RAD51B: variants seen among roughly 807,000 people sequenced by gnomAD.
RAD51B encodes the protein DNA repair protein RAD51 homolog 2.
RAD51B carries 38 observed loss-of-function variants against 42.2 expected under a neutral mutation model. The observed-to-expected ratio is 0.90, with a 90% CI of 0.70 to 1.18. The LOEUF is 1.18. RAD51B is among the 50% of genes most tolerant of loss of function. The pLI, the probability that RAD51B is intolerant of heterozygous loss-of-function variation, is 0.00. For missense variants in RAD51B, 373 were observed against 400.7 expected (o/e 0.93, Z 0.59); for synonymous variants, 154 against 145.2 (o/e 1.06, Z -0.43).
chr14:68,033,764 C>G (rs2076081273), intron 7 of RAD51B, among the ~76,000 whole-genome samples: 1 of 152,170 alleles, frequency 6.6e-6, no homozygotes, highest in South Asian at 2.1e-4. Context: ...TAATGATCCT[C>G]TTTTTCCCAG....
chr14:68,169,670 G>A (rs1315682945), intron 7 of RAD51B, among the ~76,000 whole-genome samples: 1 of 152,140 alleles, frequency 6.6e-6, no homozygotes, highest in Non-Finnish European at 1.5e-5. Flanking sequence ...GTGGCCAGAT[G>A]GTCTGAGAGG....
chr14:67,832,997 A>G (rs1444221546), intron 3 of RAD51B, among the ~76,000 whole-genome samples: 11 of 152,256 alleles, frequency 7.2e-5, no homozygotes, highest in Admixed American at 7.2e-4. Context: ...TTCTAAATAC[A>G]TCAGAATGAT....
chr14:68,087,833 TTA>T lies in RAD51B; in HGVS notation c.756+200630_756+200631del, dbSNP rs1566633982. ...ACTTAAAAATAATATTTTTAAATATTTAATTATATAATTATTATATATATAAT... is the reference window on the plus strand; with the variant it reads ...ACTTAAAAATAATATTTTTAAATATTATTATATAATTATTATATATATAAT... On this transcript the variant is annotated intron_variant, in intron 7 of 10. Transcript: ENST00000471583. Among the ~76,000 whole-genome samples, 86 of 138,000 alleles carry T rather than the reference TTA, an allele frequency of 6.2e-4. 2 individuals carry two copies. Among genetic ancestry groups the T allele is most frequent in the African/African-American group, 1.1e-3 (40 of 36,642 alleles). 90.5% of individuals were successfully genotyped at this position (138,000 alleles called of 152,430 possible).
intron 7 of RAD51B, among the ~76,000 whole-genome samples, chr14:67,957,617 T>C (rs2074577711): frequency 6.6e-6 from 1 of 152,208 alleles, no homozygotes; most frequent in South Asian, 2.1e-4. Context: ...TAGTACCATT[T>C]ATAACACTCG....
intron 7 of RAD51B, among the ~76,000 whole-genome samples, chr14:67,893,367 C>G (rs2140070889): frequency 6.6e-6 from 1 of 151,652 alleles, no homozygotes; most frequent in South Asian, 2.1e-4. Context: ...CCTGAAATCC[C>G]AGCATTTGGG....
intron 7 of RAD51B, among the ~76,000 whole-genome samples, chr14:67,988,502 G>T (rs1354426204): frequency 6.6e-6 from 1 of 151,960 alleles, no homozygotes; most frequent in African/African-American, 2.4e-5. Flanking sequence ...TAATAAAAAA[G>T]AAATGAAAAA....
At chr14:68,489,025 C>G (rs537214062) in intron 10 of RAD51B, among the ~76,000 whole-genome samples, 1 of 152,240 alleles carries the variant, frequency 6.6e-6, no homozygotes, top group East Asian at 1.9e-4. Context: ...GCAATCTCAG[C>G]TCACCACAAC....
chr14:68,072,133 A>AT (rs1157900995), intron 7 of RAD51B, among the ~76,000 whole-genome samples: 176 of 135,472 alleles, frequency 1.3e-3, no homozygotes, highest in African/African-American at 4.9e-3. Context: ...ATATATATAT[A>AT]ATTATATATA....
At chr14:68,136,355 G>A (rs61987539) in intron 7 of RAD51B, among the ~76,000 whole-genome samples, 88,188 of 129,406 alleles carry the variant, frequency 0.68, 33,335 homozygotes, top group East Asian at 0.89. Flanking sequence ...GCGGGCGGGT[G>A]GATCACGAGG....
intron 7 of RAD51B, among the ~76,000 whole-genome samples, chr14:67,928,043 T>G (rs1157820776): frequency 6.6e-6 from 1 of 152,212 alleles, no homozygotes; most frequent in Non-Finnish European, 1.5e-5. Context: ...TTTCCTTCTC[T>G]TAACTTTTTG....
rs574942000 is a variant in RAD51B at position 68,262,638 on chromosome 14, G to A, written c.757-29246G>A. ...GGAATTTTCTCTACAACTCTTGGTA[G>A]TGATGGGGTTCAGGACACACTACCC... On this transcript the variant is annotated intron_variant, in intron 7 of 10. Coordinates refer to ENST00000471583, the MANE Select transcript of RAD51B (RefSeq NM_133510.4). 7.9e-5 allele frequency among the ~76,000 whole-genome samples: 12 copies of A among 152,274 alleles called. 1 individual carries two copies. The South Asian group carries it at 2.5e-3, about 32-fold the overall frequency.
intron 10 of RAD51B, among the ~76,000 whole-genome samples, chr14:68,608,358 C>T (rs1891537946): frequency 6.6e-6 from 1 of 152,198 alleles, no homozygotes; most frequent in South Asian, 2.1e-4. Context: ...GGGCCTGTCC[C>T]CCACCACCAC....
At chr14:68,574,406 A>G (rs151116956) in intron 10 of RAD51B, among the ~76,000 whole-genome samples, 88 of 152,352 alleles carry the variant, frequency 5.8e-4, no homozygotes, top group African/African-American at 1.9e-3. Flanking sequence ...TTCCTTCACT[A>G]TCAGCACCAC....
At chr14:68,609,493 A>C (rs938559994) in intron 10 of RAD51B, among the ~76,000 whole-genome samples, 1 of 152,104 alleles carries the variant, frequency 6.6e-6, no homozygotes, top group Non-Finnish European at 1.5e-5. Flanking sequence ...TCGAGAGCAG[A>C]GGATGTCCCC....
intron 7 of RAD51B, among the ~76,000 whole-genome samples, chr14:68,040,066 T>G (rs565663822): frequency 1.3e-5 from 2 of 152,350 alleles, no homozygotes; most frequent in South Asian, 4.1e-4. Flanking sequence ...AGAATTTGTT[T>G]CCCTTAATCT....
At position 68,158,941 on chromosome 14, in the gene RAD51B, T is replaced by G. The variant is rs146433581; in HGVS notation, c.757-132943T>G. Among the ~76,000 whole-genome samples, 7 of 152,338 alleles carry G rather than the reference T, an allele frequency of 4.6e-5. No homozygotes were observed. In the East Asian group the frequency reaches 1.4e-3, roughly 29 times the overall value. On this transcript the variant is annotated intron_variant, in intron 7 of 10. Coordinates refer to ENST00000471583, the MANE Select transcript of RAD51B (RefSeq NM_133510.4). ...AAAGTTGATTCTGTTTTCTATCTTTTTATTTCTTACAAGCAGACACCAAAG... is the reference window on the plus strand; with the variant it reads ...AAAGTTGATTCTGTTTTCTATCTTTGTATTTCTTACAAGCAGACACCAAAG...
intron 7 of RAD51B, among the ~76,000 whole-genome samples, chr14:68,091,017 C>G (rs1365669396): frequency 6.6e-6 from 1 of 151,902 alleles, no homozygotes; most frequent in Non-Finnish European, 1.5e-5. Context: ...CATGTCCCTA[C>G]AAAGGACATG....
At chr14:68,206,955 A>G (rs983129152) in intron 7 of RAD51B, among the ~76,000 whole-genome samples, 3 of 151,966 alleles carry the variant, frequency 2.0e-5, no homozygotes, top group Admixed American at 1.3e-4. Flanking sequence ...GCGCCCGGCT[A>G]ATTTTTTTAT....
intron 7 of RAD51B, among the ~76,000 whole-genome samples, chr14:67,996,686 A>G (rs1429162932): frequency 6.6e-6 from 1 of 152,140 alleles, no homozygotes; most frequent in African/African-American, 2.4e-5. Context: ...CTGCTTATGT[A>G]GGGGTTTTGT....
Sources: gnomAD v4.1 joint callset for allele counts (sites outside exome capture counted in the v4.1 genomes callset) on GRCh38, gnomAD v4.1.1 for gene constraint, MANE v1.5 for transcripts, NCBI Gene and HGNC (gene_info 2026-07-23, HGNC 2026-07-21) for gene names.